CCR9: variants seen among roughly 807,000 people sequenced by gnomAD.
CCR9 encodes the protein C-C chemokine receptor type 9.
CCR9 carries 4 observed loss-of-function variants against 8.7 expected under a neutral mutation model. The ratio of observed to expected loss-of-function variants is 0.46; its 90% CI spans 0.23 to 1.06. The LOEUF (loss-of-function observed/expected upper bound fraction) is 1.06, where lower values mean the gene tolerates loss of function less well. Ranked by LOEUF, CCR9 falls within the 50% of genes least tolerant of loss-of-function variation. CCR9 has a pLI of 0.21. For missense variants in CCR9, 394 were observed against 453.6 expected, an observed-to-expected ratio of 0.87 and a Z score of 1.19; for synonymous variants, 159 against 168.8, an observed-to-expected ratio of 0.94 and a Z score of 0.45.
Position 45,891,429 on chromosome 3 carries a change from C to T in CCR9, c.-28-3477C>T, listed in dbSNP as rs184869140. Among the ~76,000 whole-genome samples, 351 of 151,914 alleles carry T rather than the reference C, an allele frequency of 2.3e-3. 2 individuals carry two copies. The highest frequency in any genetic ancestry group is 3.9e-3 in the Non-Finnish European group (264 of 67,952). On this transcript the variant is annotated intron_variant, in intron 1 of 2. Coordinates refer to ENST00000357632, the MANE Select transcript of CCR9 (RefSeq NM_031200.3). ...ATTTTGTCCTACTGGCTTTATTATT[C>T]TCCTTCTCTCTATATACATATGTTT... is the stretch of plus-strand genomic sequence containing the variant.
chr3:45,897,236 CA>C lies in CCR9; in HGVS notation c.21+2283del, dbSNP rs1315389372. ...AAAACTATGAGTGTGAGTCATGACA[CA>C]GGGGGTGTTGTTCCAGGATTCCTCT... On this transcript the variant is annotated intron_variant, in intron 2 of 2. Transcript: ENST00000357632. 2.6e-5 allele frequency among the ~76,000 whole-genome samples: 4 copies of C among 152,324 alleles called. No homozygotes were observed. The East Asian group carries it at 5.8e-4, about 22-fold the overall frequency.
Position 45,894,770 on chromosome 3 carries a change from A to C in CCR9, c.-28-136A>C, listed in dbSNP as rs529762472. On this transcript the variant is annotated intron_variant, in intron 1 of 2. Transcript: ENST00000357632. The stretch of plus-strand genomic sequence containing the variant: ...GATTCTGAAATCTAGAATACTATAT[A>C]GACTCTAACTCCTGCTTGGAATATT... 8 of 672,498 alleles carry C rather than the reference A, an allele frequency of 1.2e-5. No individual in the cohort carries two copies. The Admixed American group carries it at 1.7e-4, about 14-fold the overall frequency. 41.7% of individuals were successfully genotyped at this position (672,498 alleles called of 1,614,324 possible).
intron 1 of CCR9, among the ~76,000 whole-genome samples, chr3:45,894,058 A>G (rs912434081): frequency 1.3e-5 from 2 of 152,160 alleles, no homozygotes; most frequent in Non-Finnish European, 2.9e-5. Context: ...TGTACTCGCT[A>G]AGGGTATAAA....
At chr3:45,897,124 C>G (rs1702380955) in intron 2 of CCR9, among the ~76,000 whole-genome samples, 2 of 152,154 alleles carry the variant, frequency 1.3e-5, no homozygotes, top group Admixed American at 6.5e-5. Flanking sequence ...AGGATGGGCC[C>G]CTTGCCCTGG....
chr3:45,886,824 TG>T (rs1356227391), intron 1 of CCR9, among the ~76,000 whole-genome samples, 169 bp downstream of exon 1: 1 of 152,204 alleles, frequency 6.6e-6, no homozygotes, highest in African/African-American at 2.4e-5. Context: ...GAATTGGTGA[TG>T]CCCAACCCAG....
At chr3:45,897,718 T>G in intron 2 of CCR9, 1 of 912,056 alleles carries the variant, frequency 1.1e-6, no homozygotes, top group East Asian at 2.8e-5. Flanking sequence ...TCCCTTGTGC[T>G]TGTCCTTCTG....
At chr3:45,887,643 G>T (rs1258128815) in intron 1 of CCR9, among the ~76,000 whole-genome samples, 1 of 152,202 alleles carries the variant, frequency 6.6e-6, no homozygotes, top group Non-Finnish European at 1.5e-5. Flanking sequence ...TCCTGAACGA[G>T]CAAAAGCTAA....
intron 1 of CCR9, among the ~76,000 whole-genome samples, chr3:45,890,308 T>TATATATATAAATATATAACATAA (rs1559421504): frequency 1.3e-5 from 1 of 77,364 alleles, no homozygotes; most frequent in African/African-American, 1.4e-4. Flanking sequence ...ATATAACATA[T>TATATATATAAATATATAACATAA]ATATATATTT....
At chr3:45,888,009 T>C (rs547464713) in intron 1 of CCR9, among the ~76,000 whole-genome samples, 18 of 152,396 alleles carry the variant, frequency 1.2e-4, no homozygotes, top group African/African-American at 4.3e-4. Context: ...TCAGAGGCTA[T>C]AAGTGTGGGG....
At chr3:45,893,375 G>A (rs1234374902) in intron 1 of CCR9, among the ~76,000 whole-genome samples, 1 of 152,002 alleles carries the variant, frequency 6.6e-6, no homozygotes, top group South Asian at 2.1e-4. Flanking sequence ...GACTGGTCTC[G>A]AACTCCCAAC....
intron 1 of CCR9, among the ~76,000 whole-genome samples, chr3:45,887,619 C>T (rs62245094): frequency 0.068 from 10,382 of 152,300 alleles, 531 homozygotes; most frequent in East Asian, 0.24. Context: ...GGGATCCCAT[C>T]TCCTTACTCC....
intron 1 of CCR9, among the ~76,000 whole-genome samples, chr3:45,894,382 C>T (rs947785854): frequency 1.1e-4 from 16 of 152,174 alleles, no homozygotes; most frequent in Non-Finnish European, 1.0e-4. Context: ...TTCTTCTTGC[C>T]ACCTGGTTAC....
At position 45,894,931 on chromosome 3, in the gene CCR9, A is replaced by G; in HGVS notation, c.-3A>G. On this transcript the variant is annotated 5_prime_UTR_variant, in exon 2 of 3. Coordinates refer to ENST00000357632, the MANE Select transcript of CCR9 (RefSeq NM_031200.3). Reference sequence around the variant, plus strand: ...GAGCAGGCTTGCATCTGACTGACCCACCATGACACCCACAGACTTCACAGT... The same window carrying G: ...GAGCAGGCTTGCATCTGACTGACCCGCCATGACACCCACAGACTTCACAGT... The G allele has an allele frequency of 6.2e-7, 1 of 1,614,070 alleles. No individual in the cohort carries two copies. The highest frequency in any genetic ancestry group is 8.5e-7 in the Non-Finnish European group (1 of 1,179,950).
chr3:45,889,191 C>T (rs1209429155), intron 1 of CCR9, among the ~76,000 whole-genome samples: 1 of 152,080 alleles, frequency 6.6e-6, no homozygotes, highest in Non-Finnish European at 1.5e-5. Context: ...TGCTCTGTTG[C>T]CCAGGCTGAT....
chr3:45,886,303 T>G (rs550286979), upstream of CCR9, among the ~76,000 whole-genome samples: 1 of 152,248 alleles, frequency 6.6e-6, no homozygotes, highest in Admixed American at 6.5e-5. Flanking sequence ...GCAGCTGTGC[T>G]GTCTAGGAAG....
intron 1 of CCR9, among the ~76,000 whole-genome samples, chr3:45,890,337 C>CATATATATATTTATATAAAT (rs1559421614): frequency 1.6e-5 from 1 of 63,154 alleles, no homozygotes; most frequent in African/African-American, 1.3e-4. Context: ...ATATATATAA[C>CATATATATATTTATATAAAT]ATATATATAT....
chr3:45,895,776 G>T (rs1244789182), intron 2 of CCR9, among the ~76,000 whole-genome samples: 1 of 150,266 alleles, frequency 6.7e-6, no homozygotes, highest in African/African-American at 2.4e-5. Flanking sequence ...TTCTTTTACA[G>T]CCGAATGTAA....
Position 45,902,067 on chromosome 3 carries a change from A to C in CCR9, c.*169A>C. 1.6e-6 allele frequency: 1 copy of C among 628,050 alleles called. No homozygotes were observed. The highest frequency in any genetic ancestry group is 2.7e-6 in the Non-Finnish European group (1 of 363,684). 38.9% of individuals were successfully genotyped at this position (628,050 alleles called of 1,614,324 possible). ...GAATTTGCCAAAGCAAATATTTCAA[A>C]ATCAACTGACTAGTGCAGGAGGCTG... On this transcript the variant is annotated 3_prime_UTR_variant, in exon 3 of 3. Transcript: ENST00000357632.
chr3:45,897,950 TGA>T (rs1403719680), intron 2 of CCR9, among the ~76,000 whole-genome samples: 1 of 138,906 alleles, frequency 7.2e-6, no homozygotes, highest in East Asian at 2.0e-4. Flanking sequence ...CAGGCTCATG[TGA>T]GAGTCTATTA....
Sources: allele counts gnomAD v4.1 joint callset (sites outside exome capture counted in the v4.1 genomes callset), GRCh38; gene constraint gnomAD v4.1.1; transcripts MANE v1.5; gene names NCBI Gene and HGNC (gene_info 2026-07-23, HGNC 2026-07-21).